Variants in EYS observed in about 807,000 individuals in gnomAD.
EYS encodes the protein protein eyes shut homolog.
Under a neutral mutation model 282.1 loss-of-function variants are expected in EYS, and 250 were observed. That is an observed-to-expected ratio of 0.89 (90% CI 0.80 to 0.98). EYS has a LOEUF of 0.98. Among genes scored for constraint, EYS ranks in the 50% least tolerant of loss-of-function variants. The pLI is 0.00. For synonymous variants in EYS, 1,355 were observed against 1,282.9 expected (o/e 1.06, Z -1.20); for missense variants, 4,016 against 3,709.0 (o/e 1.08, Z -2.15).
chr6:65,094,988 T>TA (rs200227284), intron 12 of EYS, among the ~76,000 whole-genome samples: 1,609 of 150,272 alleles, frequency 0.011, 23 homozygotes, highest in African/African-American at 0.036. Context: ...CTACTCAAAA[T>TA]AAAAAAAATA....
rs140462723 is a variant in EYS at position 64,349,130 on chromosome 6, C to T, written c.6078+39560G>A. 2.4e-3 allele frequency among the ~76,000 whole-genome samples: 370 copies of T among 151,392 alleles called. 2 individuals carry two copies. Among genetic ancestry groups the T allele is most frequent in the African/African-American group, 8.3e-3 (342 of 41,420 alleles). ...AACATCAGCAAATTATTGGAATATA[C>T]GCTCAGTTTTGGTATAAGAATAACT... On this transcript the variant is annotated intron_variant, in intron 29 of 42. Transcript: ENST00000503581.
At chr6:64,912,789 A>C in intron 15 of EYS, 46 bp from the exon 16 acceptor site, 1 of 1,261,962 alleles carries the variant, frequency 7.9e-7, no homozygotes, top group Admixed American at 3.4e-5. Context: ...CTCTTTTTCA[A>C]GTTTATTTTT....
intron 35 of EYS, among the ~76,000 whole-genome samples, chr6:63,899,788 T>C (rs781133779): frequency 2.6e-5 from 4 of 152,232 alleles, no homozygotes; most frequent in Non-Finnish European, 5.9e-5. Context: ...TGCTGACTCA[T>C]ATGCTCTATA....
chr6:64,847,283 ATGTGTG>A (rs79270631), intron 19 of EYS, among the ~76,000 whole-genome samples: 1 of 149,484 alleles, frequency 6.7e-6, no homozygotes, highest in Admixed American at 6.7e-5. Flanking sequence ...TATGTATATT[ATGTGTG>A]TGTGTGTGTG....
chr6:64,552,643 G>T (rs571106409), intron 26 of EYS, among the ~76,000 whole-genome samples: 48 of 152,174 alleles, frequency 3.2e-4, no homozygotes, highest in African/African-American at 1.2e-3. Context: ...GGCCTGGCAA[G>T]GTGGCTCACA....
intron 12 of EYS, among the ~76,000 whole-genome samples, chr6:65,190,967 T>C (rs748377070): frequency 4.6e-5 from 7 of 151,822 alleles, no homozygotes; most frequent in Admixed American, 4.0e-4. Context: ...ACAATCTGTA[T>C]GCTAATTCTG....
chr6:65,489,767 C>T (rs1765961956), intron 5 of EYS: 1 of 152,070 alleles, frequency 6.6e-6, no homozygotes, highest in Admixed American at 6.6e-5. Context: ...AAATGTGGCA[C>T]ATATACACCA....
At chr6:63,886,261 T>C (rs550240145) in intron 35 of EYS, among the ~76,000 whole-genome samples, 2 of 152,328 alleles carry the variant, frequency 1.3e-5, no homozygotes, top group South Asian at 4.1e-4. Context: ...AATATTCTTT[T>C]GAGTACATTT....
intron 30 of EYS, among the ~76,000 whole-genome samples, chr6:64,235,285 T>G (rs148091674): frequency 4.1e-3 from 503 of 122,782 alleles, no homozygotes; most frequent in Admixed American, 4.3e-3. Flanking sequence ...TTCCCCTGCC[T>G]GTGTCCATGT....
At chr6:64,059,669 C>T (rs1376416499) in intron 33 of EYS, among the ~76,000 whole-genome samples, 2 of 152,288 alleles carry the variant, frequency 1.3e-5, no homozygotes, top group African/African-American at 4.8e-5. Context: ...CTTACAGATT[C>T]ATAGATATCT....
intron 5 of EYS, chr6:65,490,265 T>C (rs1160611651): frequency 2.3e-5 from 4 of 175,100 alleles, no homozygotes; most frequent in African/African-American, 9.4e-5. Flanking sequence ...TAAAATGTAA[T>C]GGTTAAGAAG....
chr6:64,584,494 C>T (rs939890452), intron 26 of EYS, among the ~76,000 whole-genome samples: 6 of 151,300 alleles, frequency 4.0e-5, no homozygotes, highest in African/African-American at 1.5e-4. Context: ...AATAATCCTC[C>T]AGAAAGATGG....
In EYS at chr6:64,201,925, A is replaced by G. The variant is rs1042820610; in HGVS notation, c.6424+28667T>C. On this transcript the variant is annotated intron_variant, in intron 31 of 42. Transcript: ENST00000503581. The stretch of plus-strand genomic sequence containing the variant: ...ATATTTTTGGTCACCACAACTAGGA[A>G]GTGGTATGACTGTCATCTAAGTGAG... Among the ~76,000 whole-genome samples, 11 of 152,328 alleles carry G rather than the reference A, an allele frequency of 7.2e-5. No individual in the cohort carries two copies. The East Asian group carries it at 1.9e-3, about 27-fold the overall frequency.
intron 22 of EYS, among the ~76,000 whole-genome samples, chr6:64,641,524 G>C (rs1003440966): frequency 4.6e-5 from 7 of 152,186 alleles, no homozygotes; most frequent in African/African-American, 1.7e-4. Context: ...AATAGCATCA[G>C]AAGGGAATCT....
At chr6:64,722,182 G>C (rs1771606014) in intron 22 of EYS, among the ~76,000 whole-genome samples, 1 of 152,072 alleles carries the variant, frequency 6.6e-6, no homozygotes, top group South Asian at 2.1e-4. Context: ...GATGGAAATG[G>C]TCTAAAAGAA....
intron 12 of EYS, among the ~76,000 whole-genome samples, chr6:65,183,996 C>T (rs546362618): frequency 1.1e-4 from 17 of 152,028 alleles, no homozygotes; most frequent in African/African-American, 4.1e-4. Flanking sequence ...TTCCATGGAA[C>T]ATAATTATAT....
At chr6:65,519,028 T>C (rs1767246225) in intron 2 of EYS, among the ~76,000 whole-genome samples, 1 of 152,118 alleles carries the variant, frequency 6.6e-6, no homozygotes, top group South Asian at 2.1e-4. Context: ...AAAAAAATTG[T>C]GAAATTCTTT....
At chr6:65,039,659 T>C (rs528252529) in intron 13 of EYS, among the ~76,000 whole-genome samples, 2 of 151,732 alleles carry the variant, frequency 1.3e-5, no homozygotes, top group African/African-American at 4.8e-5. Flanking sequence ...CTGCATATTT[T>C]CCTTTTTAAA....
chr6:64,887,383 A>G (rs575170109), intron 18 of EYS, among the ~76,000 whole-genome samples: 2 of 152,040 alleles, frequency 1.3e-5, no homozygotes, highest in Non-Finnish European at 2.9e-5. Flanking sequence ...ATACATATGT[A>G]ACAAATCTGC....
Sources: allele counts gnomAD v4.1 joint callset (sites outside exome capture counted in the v4.1 genomes callset), GRCh38; gene constraint gnomAD v4.1.1; transcripts MANE v1.5; gene names NCBI Gene and HGNC (gene_info 2026-07-23, HGNC 2026-07-21).